Variants in USP10 observed in about 807,000 individuals in gnomAD.
The protein encoded by USP10 is ubiquitin carboxyl-terminal hydrolase 10.
USP10 carries 22 observed loss-of-function variants against 84.5 expected under a neutral mutation model. The ratio of observed to expected loss-of-function variants is 0.26; its 90% CI spans 0.19 to 0.37. The LOEUF (loss-of-function observed/expected upper bound fraction) is 0.37, where lower values mean the gene tolerates loss of function less well. USP10 is among the 10% of genes least tolerant of loss of function. The pLI, the probability that USP10 is intolerant of heterozygous loss-of-function variation, is 1.00. For missense variants in USP10, 1,019 were observed against 998.9 expected, an observed-to-expected ratio of 1.02 and a Z score of -0.27; for synonymous variants, 454 against 387.6, an observed-to-expected ratio of 1.17 and a Z score of -2.01.
At chr16:84,743,107 A>C (rs960933444) in intron 3 of USP10, among the ~76,000 whole-genome samples, 1 of 152,250 alleles carries the variant, frequency 6.6e-6, no homozygotes, top group African/African-American at 2.4e-5. Context: ...GTATGGAACC[A>C]AAATGAACAG....
chr16:84,738,671 G>A (rs1239078652), intron 2 of USP10, among the ~76,000 whole-genome samples: 1 of 152,266 alleles, frequency 6.6e-6, no homozygotes, highest in Non-Finnish European at 1.5e-5. Context: ...TGGTGGTGGA[G>A]ATAAGTGCAG....
At chr16:84,775,423 G>A (rs998699527) in intron 13 of USP10, among the ~76,000 whole-genome samples, 198 bp downstream of exon 13, 2 of 152,158 alleles carry the variant, frequency 1.3e-5, no homozygotes, top group Non-Finnish European at 2.9e-5. Context: ...TTGGCCCTGA[G>A]GACAGATAAC....
Position 84,717,286 on chromosome 16 carries a change from G to A in USP10, c.22-16149G>A, listed in dbSNP as rs142670323. ...CCTAATTCCCTTACATCAGTTTCTCGGGAGGTCTGCTGCCACCCAAAAAAG... is the reference window on the plus strand; with the variant it reads ...CCTAATTCCCTTACATCAGTTTCTCAGGAGGTCTGCTGCCACCCAAAAAAG... On this transcript the variant is annotated intron_variant, in intron 1 of 13. Coordinates refer to ENST00000219473, the MANE Select transcript of USP10 (RefSeq NM_005153.3). 1.8e-3 allele frequency among the ~76,000 whole-genome samples: 270 copies of A among 152,142 alleles called. 1 individual carries two copies. The highest frequency in any genetic ancestry group is 6.1e-3 in the African/African-American group (254 of 41,502).
intron 2 of USP10, among the ~76,000 whole-genome samples, chr16:84,737,396 C>T (rs973904478): frequency 1.3e-5 from 2 of 152,164 alleles, no homozygotes; most frequent in African/African-American, 4.8e-5. Context: ...GAGTGAACTT[C>T]GAACCATCCT....
intron 4 of USP10, among the ~76,000 whole-genome samples, chr16:84,753,220 G>T (rs1912138161): frequency 1.3e-5 from 2 of 152,100 alleles, no homozygotes; most frequent in Non-Finnish European, 2.9e-5. Flanking sequence ...GGACTCAAGT[G>T]ATCTTCCTGC....
Position 84,779,790 on chromosome 16 carries a change from C to G in USP10, c.*708C>G, listed in dbSNP as rs898102504. The stretch of plus-strand genomic sequence containing the variant: ...AAAAATGGGCAAATAATGAAGATCT[C>G]TCCTTCAGTCTGCTCTGTTTAATTC... On this transcript the variant is annotated 3_prime_UTR_variant, in exon 14 of 14. Transcript: ENST00000219473. 2 of 152,646 alleles carry G rather than the reference C, an allele frequency of 1.3e-5. No individual in the cohort carries two copies. The highest frequency in any genetic ancestry group is 2.4e-5 in the African/African-American group (1 of 41,452). The allele number at this position is 152,646 out of a possible 1,614,324, so 9.5% of individuals were successfully genotyped here.
At chr16:84,771,253 A>G (rs1280779056) in intron 11 of USP10, among the ~76,000 whole-genome samples, 1 of 152,180 alleles carries the variant, frequency 6.6e-6, no homozygotes. Context: ...CATGATTAGA[A>G]TAAATAGCTT....
At chr16:84,769,047 CT>C (rs1914155768) in intron 11 of USP10, among the ~76,000 whole-genome samples, 1 of 152,180 alleles carries the variant, frequency 6.6e-6, no homozygotes, top group African/African-American at 2.4e-5. Flanking sequence ...CAGAGAGTGT[CT>C]TCTCTGTTAT....
chr16:84,746,690 G>C (rs1385159972), intron 4 of USP10, among the ~76,000 whole-genome samples: 1 of 152,178 alleles, frequency 6.6e-6, no homozygotes, highest in Admixed American at 6.5e-5. Flanking sequence ...TGAATGTGAA[G>C]GCCCAGGACA....
At chr16:84,765,051 G>A (rs1314657768) in intron 10 of USP10, among the ~76,000 whole-genome samples, 2 of 151,264 alleles carry the variant, frequency 1.3e-5, no homozygotes, top group African/African-American at 2.4e-5. Flanking sequence ...CTCCAGCCTG[G>A]GTGACAGAGC....
At chr16:84,723,035 G>A (rs896960995) in intron 1 of USP10, among the ~76,000 whole-genome samples, 27 of 152,092 alleles carry the variant, frequency 1.8e-4, no homozygotes, top group Admixed American at 1.4e-3. Context: ...ATGCATGCCT[G>A]CTTCACACTG....
In USP10 at chr16:84,726,742, A is replaced by G. The variant is rs113295058; in HGVS notation, c.22-6693A>G. Among the ~76,000 whole-genome samples, 503 of 152,320 alleles carry G rather than the reference A, an allele frequency of 3.3e-3. 2 individuals are homozygous for G. Among genetic ancestry groups the G allele is most frequent in the African/African-American group, 0.012 (480 of 41,582 alleles). On this transcript the variant is annotated intron_variant, in intron 1 of 13. Transcript: ENST00000219473. ...GAGGGGAAGTGGTGGAGGGGAATAAATAGCTTCTCTAGTTCACAGTCTTAC... is the reference window on the plus strand; with the variant it reads ...GAGGGGAAGTGGTGGAGGGGAATAAGTAGCTTCTCTAGTTCACAGTCTTAC...
chr16:84,778,745 T>C (rs139973789), intron 13 of USP10, 150 bp from the exon 14 acceptor site: 11 of 737,938 alleles, frequency 1.5e-5, no homozygotes, highest in African/African-American at 1.4e-4. Flanking sequence ...TGAAATAGCA[T>C]TGGTTTGTGT....
At chr16:84,727,387 C>CTA (rs750404703) in intron 1 of USP10, among the ~76,000 whole-genome samples, 10 of 152,110 alleles carry the variant, frequency 6.6e-5, no homozygotes, top group Non-Finnish European at 1.2e-4. Context: ...AGAGAAAACA[C>CTA]TAAACAGTCA....
chr16:84,771,032 C>T (rs371270220), intron 11 of USP10, among the ~76,000 whole-genome samples: 3 of 142,596 alleles, frequency 2.1e-5, no homozygotes, highest in African/African-American at 7.9e-5. Flanking sequence ...ACTCCAGCCT[C>T]GATGACAGAG....
chr16:84,735,230 TGTGTGTGG>T (rs1567612889), intron 2 of USP10, among the ~76,000 whole-genome samples: 1 of 114,182 alleles, frequency 8.8e-6, no homozygotes, highest in African/African-American at 3.4e-5. Flanking sequence ...TGTGTGTGTG[TGTGTGTGG>T]TGTGTGTGTT....
At chr16:84,718,032 T>TGA (rs1164096741) in intron 1 of USP10, among the ~76,000 whole-genome samples, 1 of 152,130 alleles carries the variant, frequency 6.6e-6, no homozygotes, top group Non-Finnish European at 1.5e-5. Context: ...AGAACAATGA[T>TGA]GAGAGAGAGA....
At chr16:84,764,037 T>G in intron 9 of USP10, 49 bp from the exon 10 acceptor site, 1 of 1,533,446 alleles carries the variant, frequency 6.5e-7, no homozygotes, top group Non-Finnish European at 8.7e-7. Flanking sequence ...TTTTTTTTTT[T>G]GCTGTTCTTG....
chr16:84,710,323 C>A (rs1906113535), intron 1 of USP10, among the ~76,000 whole-genome samples: 1 of 151,150 alleles, frequency 6.6e-6, no homozygotes, highest in African/African-American at 2.4e-5. Flanking sequence ...AGGGGTCTTA[C>A]TTAGATGCTT....
Sources: gnomAD v4.1 joint callset for allele counts (sites outside exome capture counted in the v4.1 genomes callset) on GRCh38, gnomAD v4.1.1 for gene constraint, MANE v1.5 for transcripts, NCBI Gene and HGNC (gene_info 2026-07-23, HGNC 2026-07-21) for gene names.